GALNT13: variants seen among roughly 807,000 people sequenced by gnomAD.
GALNT13 encodes polypeptide N-acetylgalactosaminyltransferase 13, also known as UDP-GalNAc:polypeptide N-acetylgalactosaminyltransferase 13.
Under a neutral mutation model 64.2 loss-of-function variants are expected in GALNT13, and 28 were observed. The ratio of observed to expected loss-of-function variants is 0.44; its 90% CI spans 0.32 to 0.60. GALNT13 has a LOEUF of 0.60. Ranked by LOEUF, GALNT13 falls within the 20% of genes least tolerant of loss-of-function variation. GALNT13 has a pLI of 0.05. For synonymous variants in GALNT13, 214 were observed against 224.6 expected, an observed-to-expected ratio of 0.95 and a Z score of 0.42; for missense variants, 577 against 669.8, an observed-to-expected ratio of 0.86 and a Z score of 1.53.
At chr2:154,197,384 G>C (rs1686935540) in intron 4 of GALNT13, among the ~76,000 whole-genome samples, 1 of 152,028 alleles carries the variant, frequency 6.6e-6, no homozygotes, top group South Asian at 2.1e-4. Flanking sequence ...AAGAAGCCTA[G>C]GGCAATGACC....
At chr2:153,478,640 C>T in the GALNT13 span, 6 of 1,217,708 alleles carry the variant, frequency 4.9e-6, no homozygotes, top group Non-Finnish European at 6.8e-6. Context: ...GGAACAGGTG[C>T]CGGGCTGAGC....
chr2:154,250,192 A>G (rs1380215627), intron 7 of GALNT13, among the ~76,000 whole-genome samples: 1 of 152,154 alleles, frequency 6.6e-6, no homozygotes, highest in Non-Finnish European at 1.5e-5. Context: ...TTTTAAATTT[A>G]TATCTGATAA....
chr2:153,796,828 G>A, the GALNT13 span, among the ~76,000 whole-genome samples: 1 of 152,246 alleles, frequency 6.6e-6, no homozygotes, highest in East Asian at 1.9e-4. Flanking sequence ...GTCTTCTCCT[G>A]CCAGTTTAGA....
the GALNT13 span, among the ~76,000 whole-genome samples, chr2:153,171,642 G>A: frequency 6.6e-6 from 1 of 152,108 alleles, no homozygotes; most frequent in African/African-American, 2.4e-5. Context: ...AGATATTATT[G>A]TGTCTGCCTG....
chr2:154,343,364 G>T (rs1362335311), intron 9 of GALNT13, among the ~76,000 whole-genome samples: 1 of 152,042 alleles, frequency 6.6e-6, no homozygotes, highest in East Asian at 1.9e-4. Context: ...CTTGTTTTAA[G>T]AAAGTGGTTG....
At chr2:153,986,852 G>T (rs1414034460) in intron 3 of GALNT13, among the ~76,000 whole-genome samples, 1 of 152,026 alleles carries the variant, frequency 6.6e-6, no homozygotes, top group South Asian at 2.1e-4. Context: ...GGTAAAACTT[G>T]TATTTCATCT....
chr2:153,346,835 TA>T, the GALNT13 span, among the ~76,000 whole-genome samples: 10 of 152,220 alleles, frequency 6.6e-5, no homozygotes, highest in Admixed American at 1.3e-4. Context: ...ATTCCCATTG[TA>T]ATTCTATATC....
At chr2:154,279,949 A>AT (rs1412928307) in intron 8 of GALNT13, among the ~76,000 whole-genome samples, 1 of 152,138 alleles carries the variant, frequency 6.6e-6, no homozygotes, top group Non-Finnish European at 1.5e-5. Context: ...CAAAAAAAAA[A>AT]GTGCCTGTAA....
the GALNT13 span, among the ~76,000 whole-genome samples, chr2:153,590,569 GCAAACATTCT>G: frequency 4.6e-5 from 7 of 152,038 alleles, no homozygotes; most frequent in Non-Finnish European, 8.8e-5. Context: ...GAACCTATAT[GCAAACATTCT>G]CAACAAAATA....
At chr2:153,608,867 TATAAG>T in the GALNT13 span, among the ~76,000 whole-genome samples, 1 of 147,742 alleles carries the variant, frequency 6.8e-6, no homozygotes, top group African/African-American at 2.5e-5. Flanking sequence ...ATTTATATAA[TATAAG>T]AGAAATAGTG....
the GALNT13 span, among the ~76,000 whole-genome samples, chr2:153,081,238 G>A: frequency 2.0e-5 from 3 of 150,838 alleles, no homozygotes; most frequent in Non-Finnish European, 2.9e-5. Flanking sequence ...ATTTTTTTTG[G>A]TACATAGTAG....
chr2:153,201,973 C>CTTTTTTTTT, the GALNT13 span, among the ~76,000 whole-genome samples: 1 of 108,900 alleles, frequency 9.2e-6, no homozygotes. Flanking sequence ...CCACCCATTT[C>CTTTTTTTTT]TTTTTTTTTT....
chr2:153,089,354 A>T, the GALNT13 span, among the ~76,000 whole-genome samples: 2 of 152,036 alleles, frequency 1.3e-5, no homozygotes, highest in Admixed American at 6.6e-5. Context: ...TGTTAATCTG[A>T]TATGTTTTCC....
At chr2:154,087,917 CACTTTTGTAGAA>C (rs1558950574) in intron 3 of GALNT13, among the ~76,000 whole-genome samples, 1 of 152,030 alleles carries the variant, frequency 6.6e-6, no homozygotes, top group Non-Finnish European at 1.5e-5. Flanking sequence ...ATTTTTGTAG[CACTTTTGTAGAA>C]ACTCCTGGCT....
chr2:154,038,250 T>C (rs1698777364), intron 3 of GALNT13, among the ~76,000 whole-genome samples: 1 of 152,164 alleles, frequency 6.6e-6, no homozygotes, highest in Non-Finnish European at 1.5e-5. Context: ...CAATGACATT[T>C]TTCACAGAAT....
rs565751649 is a variant in GALNT13, at chr2:154,024,715, G to A, written c.142+80076G>A. Among the ~76,000 whole-genome samples the A allele has an allele frequency of 1.1e-4, 16 of 152,208 alleles. No individual in the cohort carries two copies. The East Asian group carries it at 3.1e-3, about 29-fold the overall frequency. On this transcript the variant is annotated intron_variant, in intron 3 of 12. Coordinates refer to ENST00000392825, the MANE Select transcript of GALNT13 (RefSeq NM_052917.4). ...GCTTGTCAAACTCATTCTCCATCCA[G>A]CTTTGTTCCGTTGCTGGTGAGGAGC...
At chr2:153,214,058 A>C in the GALNT13 span, among the ~76,000 whole-genome samples, 1 of 152,198 alleles carries the variant, frequency 6.6e-6, no homozygotes, top group Non-Finnish European at 1.5e-5. Flanking sequence ...AGGTATGCTA[A>C]AAAATTTGTT....
intron 4 of GALNT13, among the ~76,000 whole-genome samples, chr2:154,210,502 T>G (rs1325094028): frequency 2.0e-5 from 3 of 152,152 alleles, no homozygotes; most frequent in Admixed American, 6.5e-5. Context: ...GTTAAGGAAC[T>G]GAATGAAGGC....
chr2:153,830,598 A>G, the GALNT13 span, among the ~76,000 whole-genome samples: 1 of 152,002 alleles, frequency 6.6e-6, no homozygotes, highest in Non-Finnish European at 1.5e-5. Flanking sequence ...CTTAATTTTT[A>G]TATGTTCTTT....
Sources: gnomAD v4.1 joint callset for allele counts (sites outside exome capture counted in the v4.1 genomes callset) on GRCh38, gnomAD v4.1.1 for gene constraint, MANE v1.5 for transcripts, NCBI Gene and HGNC (gene_info 2026-07-23, HGNC 2026-07-21) for gene names.